Variants in KCNMA1 observed in about 807,000 individuals in gnomAD.
KCNMA1 encodes Calcium-activated potassium channel subunit alpha-1.
In KCNMA1, 29 loss-of-function variants were observed where a neutral mutation model predicts 140.0. That is an observed-to-expected ratio of 0.21 (90% CI 0.15 to 0.28). The LOEUF is 0.28. Ranked by LOEUF, KCNMA1 falls within the 10% of genes least tolerant of loss-of-function variation. The probability of loss-of-function intolerance (pLI) is 1.00; values close to 1 mark genes in which losing one functional copy is unlikely to be tolerated. For synonymous variants in KCNMA1, 612 were observed against 611.9 expected (o/e 1.00, Z 0.00); for missense variants, 880 against 1,602.2 (o/e 0.55, Z 7.70).
chr10:77,598,754 C>A (rs932869519), intron 1 of KCNMA1, among the ~76,000 whole-genome samples: 14 of 152,298 alleles, frequency 9.2e-5, no homozygotes, highest in Non-Finnish European at 1.5e-4. Flanking sequence ...AAGAACCCAT[C>A]CCTGCCCCGC....
At chr10:76,992,423 A>G (rs528297063) in intron 19 of KCNMA1, among the ~76,000 whole-genome samples, 6 of 152,318 alleles carry the variant, frequency 3.9e-5, no homozygotes, top group Admixed American at 3.9e-4. Flanking sequence ...AGCTCTGTCC[A>G]TTTAGATTCC....
chr10:77,636,957 C>A lies in KCNMA1; in HGVS notation c.378+308G>T, dbSNP rs920272576. 2.1e-6 allele frequency: 3 copies of A among 1,415,934 alleles called. No homozygotes were observed. In the Admixed American group the frequency reaches 9.6e-5, roughly 45 times the overall value. 87.7% of individuals were successfully genotyped at this position (1,415,934 alleles called of 1,614,324 possible). ...CTGTCCCCACCCCGCACCACGGCAC[C>A]CGAGCCTGTGAGTCCCCGACCCCGG... is the stretch of plus-strand genomic sequence containing the variant. On this transcript the variant is annotated intron_variant, in intron 1 of 27. Coordinates refer to ENST00000286628, the MANE Select transcript of KCNMA1 (RefSeq NM_001161352.2).
chr10:77,502,152 T>C lies in KCNMA1; in HGVS notation c.379-98129A>G, dbSNP rs566147194. ...TGCCTTCTACCACATTGGGTTGCCA[T>C]GAAACCTAACAGCTGGGGGCGCCTG... On this transcript the variant is annotated intron_variant, in intron 1 of 27. Coordinates refer to ENST00000286628, the MANE Select transcript of KCNMA1 (RefSeq NM_001161352.2). Among the ~76,000 whole-genome samples the C allele has an allele frequency of 1.3e-3, 196 of 152,266 alleles. 1 individual carries two copies. The highest frequency in any genetic ancestry group is 0.01 in the Middle Eastern group (3 of 294).
intron 1 of KCNMA1, among the ~76,000 whole-genome samples, chr10:77,558,302 C>T (rs550737081): frequency 1.2e-4 from 18 of 152,250 alleles, no homozygotes; most frequent in African/African-American, 3.9e-4. Context: ...TCCCTTAGAG[C>T]GTAGAATTCC....
chr10:77,559,498 G>A (rs1271749055), intron 1 of KCNMA1, among the ~76,000 whole-genome samples: 2 of 152,146 alleles, frequency 1.3e-5, no homozygotes, highest in African/African-American at 4.8e-5. Flanking sequence ...TAGTAGAAAG[G>A]CTAAGGAACT....
chr10:76,890,405 C>T (rs2039451915), intron 26 of KCNMA1, among the ~76,000 whole-genome samples: 1 of 152,080 alleles, frequency 6.6e-6, no homozygotes, highest in Admixed American at 6.5e-5. Context: ...GGTCTCATAC[C>T]AAAGAACACT....
intron 1 of KCNMA1, among the ~76,000 whole-genome samples, chr10:77,609,581 G>C (rs2085987333): frequency 6.6e-6 from 1 of 152,114 alleles, no homozygotes; most frequent in South Asian, 2.1e-4. Flanking sequence ...TAAGAAAAGA[G>C]ATTTTCAGTG....
chr10:77,378,031 G>A (rs570050575), intron 2 of KCNMA1, among the ~76,000 whole-genome samples: 51 of 152,296 alleles, frequency 3.3e-4, no homozygotes, highest in African/African-American at 1.2e-3. Flanking sequence ...AGACAGAGGG[G>A]CTTTATTTCT....
chr10:77,536,856 C>A (rs921859223), intron 1 of KCNMA1, among the ~76,000 whole-genome samples: 2 of 152,192 alleles, frequency 1.3e-5, no homozygotes, highest in Non-Finnish European at 2.9e-5. Context: ...TCTCAACAGC[C>A]ATTTGAACAC....
chr10:77,099,337 G>A (rs2153820263), intron 9 of KCNMA1, among the ~76,000 whole-genome samples: 1 of 152,268 alleles, frequency 6.6e-6, no homozygotes, highest in Middle Eastern at 3.4e-3. Flanking sequence ...TCTTTGCCTT[G>A]TTCTCCAGCC....
At chr10:77,365,037 A>G (rs1375299796) in intron 2 of KCNMA1, among the ~76,000 whole-genome samples, 1 of 152,234 alleles carries the variant, frequency 6.6e-6, no homozygotes, top group African/African-American at 2.4e-5. Flanking sequence ...CAGTTTCTGT[A>G]GCATTTTAAT....
chr10:77,073,808 G>A (rs1356766288), intron 13 of KCNMA1, among the ~76,000 whole-genome samples: 3 of 152,092 alleles, frequency 2.0e-5, no homozygotes, highest in African/African-American at 4.8e-5. Flanking sequence ...TGGAGGTGAC[G>A]CTGACGCTGT....
intron 1 of KCNMA1, among the ~76,000 whole-genome samples, chr10:77,562,458 C>G (rs962462899): frequency 6.6e-6 from 1 of 152,138 alleles, no homozygotes; most frequent in Admixed American, 6.5e-5. Flanking sequence ...TTTCTTCATA[C>G]CTTAATAATA....
chr10:77,518,964 T>C (rs2051711928), intron 1 of KCNMA1, among the ~76,000 whole-genome samples: 1 of 152,208 alleles, frequency 6.6e-6, no homozygotes, highest in African/African-American at 2.4e-5. Context: ...AGAAAGTTAA[T>C]CATGGAAAAT....
intron 3 of KCNMA1, among the ~76,000 whole-genome samples, chr10:77,195,151 T>C (rs891904701): frequency 2.6e-5 from 4 of 152,200 alleles, no homozygotes; most frequent in African/African-American, 9.7e-5. Context: ...ATTATACCTT[T>C]ATTGCACAAG....
intron 12 of KCNMA1, among the ~76,000 whole-genome samples, chr10:77,082,130 G>A (rs2096594855): frequency 6.8e-6 from 1 of 146,400 alleles, no homozygotes; most frequent in African/African-American, 2.5e-5. Context: ...CTGGGTTCAA[G>A]CGATTCCCCT....
chr10:77,160,245 C>T (rs2098540538), intron 5 of KCNMA1, among the ~76,000 whole-genome samples: 1 of 152,174 alleles, frequency 6.6e-6, no homozygotes, highest in African/African-American at 2.4e-5. Context: ...CTGAAATATT[C>T]ACACCAGTCC....
At chr10:76,945,842 A>T (rs1231930741) in intron 22 of KCNMA1, among the ~76,000 whole-genome samples, 1 of 152,120 alleles carries the variant, frequency 6.6e-6, no homozygotes, top group Non-Finnish European at 1.5e-5. Context: ...TTACATATAT[A>T]TAAATGTATG....
chr10:77,106,645 G>T (rs192824134), intron 9 of KCNMA1, among the ~76,000 whole-genome samples: 1 of 152,168 alleles, frequency 6.6e-6, no homozygotes, highest in Non-Finnish European at 1.5e-5. Context: ...AAATGCTGGC[G>T]GAGACGTCAG....
Sources: gnomAD v4.1 joint callset for allele counts (sites outside exome capture counted in the v4.1 genomes callset) on GRCh38, gnomAD v4.1.1 for gene constraint, MANE v1.5 for transcripts, NCBI Gene and HGNC (gene_info 2026-07-23, HGNC 2026-07-21) for gene names.